Variants in PHYHIPL observed in about 807,000 individuals in gnomAD.
The protein encoded by PHYHIPL is phytanoyl-CoA 2-hydroxylase interacting protein like.
A neutral mutation model predicts 33.4 loss-of-function variants in PHYHIPL; 9 were observed. The observed-to-expected ratio is 0.27, with a 90% CI of 0.16 to 0.47. The LOEUF (loss-of-function observed/expected upper bound fraction) is 0.47, where lower values mean the gene tolerates loss of function less well. Among genes scored for constraint, PHYHIPL ranks in the 20% least tolerant of loss-of-function variants. PHYHIPL has a pLI of 0.99. For synonymous variants in PHYHIPL, 153 were observed against 154.1 expected, an observed-to-expected ratio of 0.99 and a Z score of 0.05; for missense variants, 365 against 460.7, an observed-to-expected ratio of 0.79 and a Z score of 1.90.
chr10:59,185,281 C>T (rs1380102647), intron 1 of PHYHIPL, among the ~76,000 whole-genome samples: 6 of 152,140 alleles, frequency 3.9e-5, no homozygotes, highest in East Asian at 3.9e-4. Context: ...TGAGCCACCG[C>T]GCCCGGCCGA....
intron 4 of PHYHIPL, among the ~76,000 whole-genome samples, chr10:59,243,770 A>G (rs1840501611): frequency 1.3e-5 from 2 of 151,940 alleles, no homozygotes; most frequent in African/African-American, 2.4e-5. Flanking sequence ...AACAAACAAC[A>G]AAAAAAAGAA....
At chr10:59,243,148 A>C (rs1457626443) in intron 4 of PHYHIPL, among the ~76,000 whole-genome samples, 2 of 152,098 alleles carry the variant, frequency 1.3e-5, no homozygotes, top group East Asian at 3.8e-4. Context: ...AAACATTGAA[A>C]GTGGTGAGAT....
In PHYHIPL at chr10:59,238,714, C is replaced by A. The variant is rs1266587230; in HGVS notation, c.596+9C>A. On this transcript the variant is annotated intron_variant, in intron 4 of 4. Coordinates refer to ENST00000373880, the MANE Select transcript of PHYHIPL (RefSeq NM_032439.4). ...TATTTTGACTATGTTCGGTAAGATT[C>A]AAAAATATATAGTGATTTGTTTTAC... The A allele has an allele frequency of 4.7e-6, 7 of 1,491,488 alleles. No homozygotes were observed. Among genetic ancestry groups the A allele is most frequent in the Non-Finnish European group, 4.7e-6 (5 of 1,070,746 alleles). The allele number at this position is 1,491,488 out of a possible 1,614,324, so 92.4% of individuals were successfully genotyped here. A position where few individuals can be genotyped will look rare whatever the true frequency, so the allele number is the denominator to read the frequency against.
intron 1 of PHYHIPL, among the ~76,000 whole-genome samples, chr10:59,219,829 A>G (rs1346602568): frequency 2.0e-5 from 3 of 152,162 alleles, no homozygotes; most frequent in African/African-American, 7.2e-5. Flanking sequence ...ATTTCACTTC[A>G]AATGTATAGT....
chr10:59,180,187 G>T (rs1299297751), intron 1 of PHYHIPL, among the ~76,000 whole-genome samples: 1 of 148,214 alleles, frequency 6.7e-6, no homozygotes, highest in Non-Finnish European at 1.5e-5. Context: ...CCTGTGACAA[G>T]ACAAAACAGC....
chr10:59,241,131 C>G (rs1468538847), intron 4 of PHYHIPL, among the ~76,000 whole-genome samples: 1 of 151,846 alleles, frequency 6.6e-6, no homozygotes, highest in East Asian at 1.9e-4. Flanking sequence ...TTTAAGAAGC[C>G]TTATTAAAAA....
At chr10:59,207,987 C>T (rs568713024) in intron 1 of PHYHIPL, among the ~76,000 whole-genome samples, 22 of 152,124 alleles carry the variant, frequency 1.4e-4, no homozygotes, top group African/African-American at 4.3e-4. Context: ...GGACGGCTGT[C>T]GGCGCAGCTT....
intron 1 of PHYHIPL, among the ~76,000 whole-genome samples, chr10:59,203,701 A>G (rs912318426): frequency 1.4e-4 from 20 of 142,376 alleles, no homozygotes; most frequent in East Asian, 4.6e-4. Flanking sequence ...CTCACTCATA[A>G]GTGGGAATTG....
intron 1 of PHYHIPL, chr10:59,177,239 C>G (rs935400850): frequency 3.4e-6 from 2 of 583,102 alleles, no homozygotes; most frequent in Admixed American, 3.5e-5. Context: ...GCGACGTTCC[C>G]GCTCGCGGCT....
rs1564697557 is a variant in PHYHIPL, at chr10:59,176,830, C to A, written c.-24C>A. On this transcript the variant is annotated 5_prime_UTR_variant, in exon 1 of 5. Coordinates refer to ENST00000373880, the MANE Select transcript of PHYHIPL (RefSeq NM_032439.4). ...AGAGAGAGCCTGGATACGAAGCAGG[C>A]GGGCTTCAGAGTGGGTTGGAAAAAT... The A allele has an allele frequency of 1.8e-5, 29 of 1,595,768 alleles. No homozygotes were observed. The highest frequency in any genetic ancestry group is 2.4e-5 in the Non-Finnish European group (28 of 1,168,900).
intron 1 of PHYHIPL, among the ~76,000 whole-genome samples, chr10:59,211,000 T>C (rs548329408): frequency 2.0e-5 from 3 of 151,920 alleles, no homozygotes; most frequent in African/African-American, 7.2e-5. Context: ...GTGTGGCCAG[T>C]GTATACCTAT....
chr10:59,191,656 T>C (rs1345537270), intron 1 of PHYHIPL, among the ~76,000 whole-genome samples: 1 of 151,976 alleles, frequency 6.6e-6, no homozygotes, highest in Non-Finnish European at 1.5e-5. Flanking sequence ...CCTGAGAGCT[T>C]CCAGCATATT....
At chr10:59,195,349 G>T (rs1279018950) in intron 1 of PHYHIPL, among the ~76,000 whole-genome samples, 1 of 152,182 alleles carries the variant, frequency 6.6e-6, no homozygotes, top group African/African-American at 2.4e-5. Flanking sequence ...CATGACGTGG[G>T]AGCCTTCATA....
chr10:59,232,082 T>G (rs1183204678), intron 1 of PHYHIPL, among the ~76,000 whole-genome samples: 1 of 151,962 alleles, frequency 6.6e-6, no homozygotes, highest in Non-Finnish European at 1.5e-5. Flanking sequence ...AGAGGATAGG[T>G]TGAAACATTT....
chr10:59,225,990 A>G (rs1839911946), intron 1 of PHYHIPL, among the ~76,000 whole-genome samples: 1 of 152,148 alleles, frequency 6.6e-6, no homozygotes, highest in Non-Finnish European at 1.5e-5. Context: ...AATAAGAGTC[A>G]GAAAAATGAC....
At chr10:59,185,736 T>C (rs1838576436) in intron 1 of PHYHIPL, among the ~76,000 whole-genome samples, 1 of 152,240 alleles carries the variant, frequency 6.6e-6, no homozygotes, top group Non-Finnish European at 1.5e-5. Context: ...CATTTTTTCA[T>C]GTGTCTGTTG....
chr10:59,227,085 A>G (rs747624307), intron 1 of PHYHIPL, among the ~76,000 whole-genome samples: 3 of 152,224 alleles, frequency 2.0e-5, no homozygotes, highest in Non-Finnish European at 4.4e-5. Flanking sequence ...AAATTAAAAT[A>G]AAGCAGGATG....
chr10:59,218,677 G>C (rs2253101), intron 1 of PHYHIPL, among the ~76,000 whole-genome samples: 130,206 of 146,244 alleles, frequency 0.89, 57,575 homozygotes, highest in East Asian at 0.95. Flanking sequence ...AAACATTTTT[G>C]AGTGATCTTG....
intron 4 of PHYHIPL, among the ~76,000 whole-genome samples, chr10:59,239,021 T>G (rs1840312692): frequency 6.6e-6 from 1 of 151,984 alleles, no homozygotes; most frequent in African/African-American, 2.4e-5. Flanking sequence ...TCATACTGAC[T>G]ACTAATTTTT....
Sources: gnomAD v4.1 joint callset for allele counts (sites outside exome capture counted in the v4.1 genomes callset) on GRCh38, gnomAD v4.1.1 for gene constraint, MANE v1.5 for transcripts, NCBI Gene and HGNC (gene_info 2026-07-23, HGNC 2026-07-21) for gene names.